The following FLII variants were observed in gnomAD, a reference collection of about 807,000 sequenced individuals.
The protein encoded by FLII is protein flightless-1 homolog.
In FLII, 101 loss-of-function variants were observed where a neutral mutation model predicts 156.2. The observed-to-expected ratio is 0.65, with a 90% CI of 0.55 to 0.76. FLII has a LOEUF of 0.76. Ranked by LOEUF, FLII falls within the 30% of genes least tolerant of loss-of-function variation. The pLI, the probability that FLII is intolerant of heterozygous loss-of-function variation, is 0.00. For synonymous variants in FLII, 767 were observed against 685.8 expected (o/e 1.12, Z -1.85); for missense variants, 1,675 against 1,682.8 (o/e 1.00, Z 0.08).
chr17:18,252,072 G>C lies in FLII; in HGVS notation c.1173C>G (p.Asn391Lys). Residue 391 changes from asparagine to lysine, a missense_variant, in exon 11 of 30, where the codon AAC (asparagine) becomes AAG (lysine). This residue lies in a region of FLII where 1,332 missense variants were observed against 1,269.3 expected (regional missense o/e 1.05). Transcript: ENST00000327031. ...GCTGGTTCTGCAGCGAGAAGTCGATGTTGTACCACTCAGCGGCACGGTCTG... is the reference window on the plus strand; with the variant it reads ...GCTGGTTCTGCAGCGAGAAGTCGATCTTGTACCACTCAGCGGCACGGTCTG... ...KPADRAAEWYNIDFSLQNQLR... is the reference protein window; with the variant it reads ...KPADRAAEWYKIDFSLQNQLR... 6.2e-7 allele frequency: 1 copy of C among 1,613,448 alleles called. No homozygotes were observed. The highest frequency in any genetic ancestry group is 2.2e-5 in the East Asian group (1 of 44,886).
Position 18,256,577 on chromosome 17 carries a change from G to A in FLII, c.195C>T (p.His65=), listed in dbSNP as rs11540888. The A allele has an allele frequency of 0.011, 16,472 of 1,551,636 alleles. 601 individuals carry two copies. In the African/African-American group the frequency reaches 0.12, roughly 11 times the overall value. ...CCCCATGAAGCGTGGTCAGGTTGTT[G>A]TGGCTCACAGACAAGTGTTCCTGGG... is the stretch of plus-strand genomic sequence containing the variant. ...LQKLEHLSVS[H]NNLTTLHGEL... Residue 65 remains histidine, a synonymous_variant, in exon 3 of 30, where the codon CAC becomes CAT. Transcript: ENST00000327031.
rs145565671 is a variant in FLII at position 18,246,013 on chromosome 17, C to G, written c.3317G>C (p.Gly1106Ala). The change falls in exon 26 of 30, where the codon GGC becomes GCC. Residue 1106 changes from glycine to alanine, a missense_variant. By Grantham distance (60) the Gly-to-Ala change is moderately conservative (BLOSUM62 0). This residue lies in a region of FLII where 1,332 missense variants were observed against 1,269.3 expected (regional missense o/e 1.05). Transcript: ENST00000327031. Reference sequence around the variant, plus strand: ...GGCTTCGTCAGGGTCTGATGCCCGGCCCACCCAGGCATACACGATGCCCTG... The same window carrying G: ...GGCTTCGTCAGGGTCTGATGCCCGGGCCACCCAGGCATACACGATGCCCTG... ...DNQGIVYAWV[G>A]RASDPDEAKL... 6.2e-7 allele frequency: 1 copy of G among 1,614,134 alleles called. No individual in the cohort carries two copies. Among genetic ancestry groups the G allele is most frequent in the Non-Finnish European group, 8.5e-7 (1 of 1,180,016 alleles).
chr17:18,255,143 C>A, intron 4 of FLII, 40 bp downstream of exon 4: 1 of 1,485,740 alleles, frequency 6.7e-7, no homozygotes, highest in Non-Finnish European at 9.4e-7. Flanking sequence ...ATTGAATGGT[C>A]CGGCTAGCAC....
At position 18,252,149 on chromosome 17, in the gene FLII, G is replaced by GC; in HGVS notation, c.1099-4dup. 1 of 1,612,780 alleles carries GC rather than the reference G, an allele frequency of 6.2e-7. No homozygotes were observed. Among genetic ancestry groups the GC allele is most frequent in the Non-Finnish European group, 8.5e-7 (1 of 1,179,674 alleles). On this transcript the variant is annotated splice_region_variant and splice_polypyrimidine_tract_variant and intron_variant, in intron 10 of 29. Transcript: ENST00000327031. The stretch of plus-strand genomic sequence containing the variant: ...GGGTTCTCCCGCACATCCAGGACCT[G>GC]CCCCATAGGGTGAGCAGAGCCGGCA...
At position 18,257,008 on chromosome 17, in the gene FLII, G is replaced by A. The variant is rs779301795; in HGVS notation, c.75C>T (p.Phe25=). ...LSGNDFKGGY[F]PENVKAMTSL... ...TGGTCATGGCCTTGACATTCTCAGG[G>A]AAGTAGCCGCCCTGGGGGAAGGATG... Residue 25 remains phenylalanine, a synonymous_variant, in exon 2 of 30, where the codon TTC becomes TTT. Transcript: ENST00000327031. 6.2e-7 allele frequency: 1 copy of A among 1,606,360 alleles called. No individual in the cohort carries two copies. The highest frequency in any genetic ancestry group is 8.5e-7 in the Non-Finnish European group (1 of 1,176,286).
In FLII at chr17:18,251,029, G is replaced by C. The variant is rs774716463; in HGVS notation, c.1597-12C>G. On this transcript the variant is annotated splice_polypyrimidine_tract_variant and intron_variant, in intron 13 of 29. Coordinates refer to ENST00000327031, the MANE Select transcript of FLII (RefSeq NM_002018.4). ...TCATCCAGAAAGGTCTGGAAGCCAA[G>C]GCACCGGCCACATCAGCTTTCATCC... 2.5e-6 allele frequency: 4 copies of C among 1,609,750 alleles called. No individual in the cohort carries two copies. In the African/African-American group the frequency reaches 5.3e-5, roughly 22 times the overall value.
At chr17:18,245,873 C>G (rs756884511) in intron 26 of FLII, 23 bp from the exon 27 acceptor site, 1 of 1,613,924 alleles carries the variant, frequency 6.2e-7, no homozygotes, top group African/African-American at 1.3e-5. Context: ...CCAGTCCAGC[C>G]CAGGGCCCCT....
At chr17:18,248,453 G>A in intron 18 of FLII, 97 bp downstream of exon 18, 7 of 1,212,734 alleles carry the variant, frequency 5.8e-6, no homozygotes, top group East Asian at 4.8e-5. Context: ...CCAAAGTCGA[G>A]ATGGAGCCCA....
chr17:18,246,952 C>T lies in FLII; in HGVS notation c.2777G>A (p.Gly926Asp). Residue 926 changes from glycine (G) to aspartate (D), a missense_variant, in exon 22 of 30, where the codon GGC becomes GAC. Gly to Asp is a moderately conservative substitution (Grantham distance 94). Transcript: ENST00000327031. ...GTAGCAGTCCTGCGTGTAGAAGTGG[C>T]CAAACTCCTCTTCCGGCAGCCGCGC... Reference protein sequence around the residue: ...KFARLPEEEFGHFYTQDCYVF... With the variant: ...KFARLPEEEFDHFYTQDCYVF... 5 of 1,614,082 alleles carry T rather than the reference C, an allele frequency of 3.1e-6. No individual in the cohort carries two copies. Among genetic ancestry groups the T allele is most frequent in the Non-Finnish European group, 4.2e-6 (5 of 1,180,002 alleles).
At position 18,250,745 on chromosome 17, in the gene FLII, C is replaced by G. The variant is rs2048236297; in HGVS notation, c.1776+93G>C. The G allele has an allele frequency of 5.1e-6, 7 of 1,371,624 alleles. No homozygotes were observed. In the East Asian group the frequency reaches 1.6e-4, roughly 31 times the overall value. The allele number at this position is 1,371,624 out of a possible 1,614,324, so 85.0% of individuals were successfully genotyped here. On this transcript the variant is annotated intron_variant, in intron 14 of 29. Coordinates refer to ENST00000327031, the MANE Select transcript of FLII (RefSeq NM_002018.4). ...TAACCCCAGCTCCCTGCCTGCCCAC[C>G]TGTTCTGCCTACCTGCCTTGGGCCC...
chr17:18,255,115 C>A, intron 4 of FLII, 68 bp downstream of exon 4: 1 of 1,288,610 alleles, frequency 7.8e-7, no homozygotes, highest in Non-Finnish European at 1.1e-6. Flanking sequence ...GCCCCAGGGA[C>A]TTTTATAGTG....
At chr17:18,255,373 A>C in intron 3 of FLII, 110 bp from the exon 4 acceptor site, 2 of 797,084 alleles carry the variant, frequency 2.5e-6, no homozygotes, top group East Asian at 2.5e-5. Flanking sequence ...AGGCCTGAGG[A>C]CTCTCTCACC....
At chr17:18,257,104 G>A in intron 1 of FLII, 85 bp from the exon 2 acceptor site, 1 of 800,736 alleles carries the variant, frequency 1.2e-6, no homozygotes, top group Non-Finnish European at 2.0e-6. Flanking sequence ...CCTTTGGGGA[G>A]CCACAGAACC....
intron 6 of FLII, among the ~76,000 whole-genome samples, 162 bp downstream of exon 6, chr17:18,254,359 G>A (rs574161609): frequency 5.3e-5 from 8 of 152,258 alleles, no homozygotes; most frequent in African/African-American, 1.9e-4. Flanking sequence ...ACAGGACTGA[G>A]AGGTGGACAT....
rs1052146792 is a variant in FLII at position 18,253,915 on chromosome 17, T to C, written c.679+164A>G. 5 of 752,514 alleles carry C rather than the reference T, an allele frequency of 6.6e-6. No homozygotes were observed. The African/African-American group carries it at 8.8e-5, about 13-fold the overall frequency. The allele number at this position is 752,514 out of a possible 1,614,324, so 46.6% of individuals were successfully genotyped here. A position where few individuals can be genotyped will look rare whatever the true frequency, so the allele number is the denominator to read the frequency against. ...GCGGGGGAGTTTTCTAGGCATAAAG[T>C]CAGTGTTAAGGCATCATCATAATCG... is the stretch of plus-strand genomic sequence containing the variant. On this transcript the variant is annotated intron_variant, in intron 7 of 29. Transcript: ENST00000327031.
chr17:18,255,096 A>G, intron 4 of FLII, 87 bp downstream of exon 4: 1 of 1,144,138 alleles, frequency 8.7e-7, no homozygotes, highest in Non-Finnish European at 1.3e-6. Flanking sequence ...GCAAAATGGG[A>G]TAACAATGGC....
rs904378582 is a variant in FLII, at chr17:18,251,792, A to G, written c.1271T>C (p.Met424Thr). 6.2e-7 allele frequency: 1 copy of G among 1,613,860 alleles called. No homozygotes were observed. The change falls in exon 12 of 30, where the codon ATG becomes ACG. Residue 424 changes from methionine (M) to threonine (T), a missense_variant. Coordinates refer to ENST00000327031, the MANE Select transcript of FLII (RefSeq NM_002018.4). ...CCTCCGCAGTCGCATCTTGCGAGCC[A>G]TAGGGTCCTTGGGCCCACTCCCTGC... ...AAAGSGPKDP[M>T]ARKMRLRRRK...
At chr17:18,245,450 A>T (rs1161442973) in intron 28 of FLII, 31 bp from the exon 29 acceptor site, 4 of 1,613,544 alleles carry the variant, frequency 2.5e-6, no homozygotes, top group Non-Finnish European at 3.4e-6. Flanking sequence ...ATACGGTTGC[A>T]TGGGTGCCTG....
In FLII at chr17:18,245,094, C is replaced by T. The variant is rs2047980343; in HGVS notation, c.*44G>A. 3 of 1,576,612 alleles carry T rather than the reference C, an allele frequency of 1.9e-6. No homozygotes were observed. Among genetic ancestry groups the T allele is most frequent in the African/African-American group, 2.7e-5 (2 of 74,030 alleles). Reference sequence around the variant, plus strand: ...CTTTGCTAGCAGACAGTGGATGAGGCCCCTTCCTCTTCCTCACCAAGCCTG... The same window carrying T: ...CTTTGCTAGCAGACAGTGGATGAGGTCCCTTCCTCTTCCTCACCAAGCCTG... On this transcript the variant is annotated 3_prime_UTR_variant, in exon 30 of 30. Transcript: ENST00000327031.
Sources: gnomAD v4.1 joint callset for allele counts (sites outside exome capture counted in the v4.1 genomes callset) on GRCh38, gnomAD v4.1.1 for gene constraint, gnomAD v4.1.1 regional missense constraint, MANE v1.5 for transcripts, NCBI Gene and HGNC (gene_info 2026-07-23, HGNC 2026-07-21) for gene names.